CLPB: variants seen among roughly 807,000 people sequenced by gnomAD.
CLPB encodes mitochondrial disaggregase.
CLPB carries 40 observed loss-of-function variants against 78.4 expected under a neutral mutation model. That is an observed-to-expected ratio of 0.51 (90% CI 0.40 to 0.66). The LOEUF (loss-of-function observed/expected upper bound fraction) is 0.66, where lower values mean the gene tolerates loss of function less well. Ranked by LOEUF, CLPB falls within the 30% of genes least tolerant of loss-of-function variation. The pLI, the probability that CLPB is intolerant of heterozygous loss-of-function variation, is 0.00. For synonymous variants in CLPB, 333 were observed against 348.0 expected, an observed-to-expected ratio of 0.96 and a Z score of 0.48; for missense variants, 780 against 886.9, an observed-to-expected ratio of 0.88 and a Z score of 1.53.
chr11:72,422,092 C>A (rs565357600), intron 2 of CLPB, among the ~76,000 whole-genome samples: 67 of 151,618 alleles, frequency 4.4e-4, no homozygotes, highest in Non-Finnish European at 5.3e-4. Flanking sequence ...ATGGTGAAAC[C>A]CCACCTCTAC....
rs1311832888 is a variant in CLPB, at chr11:72,307,258, G to T, written c.1067-4C>A. 2.5e-6 allele frequency: 4 copies of T among 1,613,898 alleles called. No homozygotes were observed. Among genetic ancestry groups the T allele is most frequent in the Non-Finnish European group, 3.4e-6 (4 of 1,179,892 alleles). On this transcript the variant is annotated splice_region_variant and splice_polypyrimidine_tract_variant and intron_variant, in intron 8 of 15. Coordinates refer to ENST00000538039, the MANE Select transcript of CLPB (RefSeq NM_001258392.3). ...TGCTTGGCCAGCTCTGTTTTTCCTA[G>T]TAAGAAAGAAGGGGGAGGTGTTGGG...
chr11:72,294,535 T>C (rs537999414), intron 13 of CLPB, 85 bp downstream of exon 13: 15 of 1,609,976 alleles, frequency 9.3e-6, no homozygotes, highest in South Asian at 8.8e-5. Flanking sequence ...GGGGAAATTA[T>C]GGGGCTTCCA....
intron 3 of CLPB, among the ~76,000 whole-genome samples, chr11:72,387,364 A>G (rs1855109364): frequency 6.6e-6 from 1 of 152,216 alleles, no homozygotes; most frequent in Non-Finnish European, 1.5e-5. Context: ...GTCTTGACAC[A>G]TAACAACTGC....
intron 2 of CLPB, among the ~76,000 whole-genome samples, chr11:72,418,057 T>C (rs569647043): frequency 7.2e-4 from 110 of 152,356 alleles, no homozygotes; most frequent in Non-Finnish European, 1.3e-3. Flanking sequence ...AGGATTCTTA[T>C]GCAGCCTTCC....
intron 2 of CLPB, among the ~76,000 whole-genome samples, chr11:72,413,467 A>T (rs1312397419): frequency 6.6e-6 from 1 of 152,160 alleles, no homozygotes; most frequent in Admixed American, 6.5e-5. Flanking sequence ...AGCATATACC[A>T]GATACATTGG....
At chr11:72,354,929 G>T (rs1950682601) in intron 5 of CLPB, among the ~76,000 whole-genome samples, 1 of 152,108 alleles carries the variant, frequency 6.6e-6, no homozygotes, top group South Asian at 2.1e-4. Flanking sequence ...CCAGGCGCCT[G>T]CCAGAGCACC....
chr11:72,346,098 G>A (rs1304575551), intron 5 of CLPB, among the ~76,000 whole-genome samples: 2 of 152,162 alleles, frequency 1.3e-5, no homozygotes, highest in East Asian at 1.9e-4. Flanking sequence ...GCAGATGAGG[G>A]GGCAGGCAGT....
chr11:72,310,183 A>G (rs1434696830), intron 7 of CLPB, among the ~76,000 whole-genome samples: 3 of 152,166 alleles, frequency 2.0e-5, no homozygotes, highest in Non-Finnish European at 4.4e-5. Context: ...TCTCATCTCG[A>G]TCTCTAATGT....
intron 5 of CLPB, among the ~76,000 whole-genome samples, chr11:72,350,953 TTCA>T (rs758318377): frequency 1.1e-3 from 163 of 152,326 alleles, no homozygotes; most frequent in South Asian, 3.7e-3. Context: ...TTAGAATATT[TTCA>T]TCATCTCCAG....
rs750172443 is a variant in CLPB at position 72,434,231 on chromosome 11, A to T, written c.244T>A (p.Cys82Ser). The T allele has an allele frequency of 6.2e-7, 1 of 1,613,568 alleles. No homozygotes were observed. Among genetic ancestry groups the T allele is most frequent in the Non-Finnish European group, 8.5e-7 (1 of 1,179,964 alleles). ...GRQGGRFDTK[C>S]LAAATWGRLP... The stretch of plus-strand genomic sequence containing the variant: ...CGTCCCCAAGTGGCAGCCGCGAGGC[A>T]TTTGGTATCGAAGCGTCCTCCCTGG... Residue 82 changes from cysteine to serine, a missense_variant, in exon 1 of 16, where the codon TGC (cysteine) becomes AGC (serine). Coordinates refer to ENST00000538039, the MANE Select transcript of CLPB (RefSeq NM_001258392.3).
intron 2 of CLPB, among the ~76,000 whole-genome samples, chr11:72,421,470 G>T (rs1034702557): frequency 6.6e-6 from 1 of 152,216 alleles, no homozygotes; most frequent in Non-Finnish European, 1.5e-5. Flanking sequence ...GATGACCGAA[G>T]GATGAGGAAT....
At chr11:72,364,088 C>T (rs1950894367) in intron 4 of CLPB, among the ~76,000 whole-genome samples, 1 of 152,186 alleles carries the variant, frequency 6.6e-6, no homozygotes, top group African/African-American at 2.4e-5. Context: ...TCCGACTTTC[C>T]AACTTGGATG....
At chr11:72,427,337 C>T (rs1284971054) in intron 2 of CLPB, among the ~76,000 whole-genome samples, 1 of 152,096 alleles carries the variant, frequency 6.6e-6, no homozygotes, top group Non-Finnish European at 1.5e-5. Context: ...GGGTAAAGCA[C>T]GACATTATTT....
In CLPB at chr11:72,400,330, G is replaced by A. The variant is rs148692115; in HGVS notation, c.542+2636C>T. 8.6e-3 allele frequency among the ~76,000 whole-genome samples: 1,315 copies of A among 152,272 alleles called. 11 individuals are homozygous for A. The highest frequency in any genetic ancestry group is 0.014 in the Non-Finnish European group (919 of 68,022). On this transcript the variant is annotated intron_variant, in intron 3 of 15. Transcript: ENST00000538039. ...TAGTGGAAGAGAAGGTCACAAAATGGATAATTAGTCCTAGGAACCAAAGCA... is the reference window on the plus strand; with the variant it reads ...TAGTGGAAGAGAAGGTCACAAAATGAATAATTAGTCCTAGGAACCAAAGCA...
intron 1 of CLPB, among the ~76,000 whole-genome samples, chr11:72,433,538 C>CTGAA: frequency 7.3e-6 from 1 of 137,004 alleles, no homozygotes; most frequent in South Asian, 2.4e-4. Context: ...GACTCCATCT[C>CTGAA]AGAAATAAAT....
chr11:72,408,012 T>C, intron 2 of CLPB: 1 of 882,698 alleles, frequency 1.1e-6, no homozygotes, highest in Non-Finnish European at 1.8e-6. Context: ...TGTCTCTTCA[T>C]AGGTCCAATG....
At position 72,292,838 on chromosome 11, in the gene CLPB, G is replaced by A. The variant is rs1262764131; in HGVS notation, c.*529C>T. On this transcript the variant is annotated 3_prime_UTR_variant, in exon 16 of 16. Transcript: ENST00000538039. Reference sequence around the variant, plus strand: ...CCCTTCCCCTTAGAATTTTAGGGTAGGGAACGAGGAGGCTACAGACTAAAT... The same window carrying A: ...CCCTTCCCCTTAGAATTTTAGGGTAAGGAACGAGGAGGCTACAGACTAAAT... 6.5e-6 allele frequency: 1 copy of A among 154,590 alleles called. No individual in the cohort carries two copies. The highest frequency in any genetic ancestry group is 2.4e-5 in the African/African-American group (1 of 41,432). 9.6% of individuals were successfully genotyped at this position (154,590 alleles called of 1,614,324 possible). A position where few individuals can be genotyped will look rare whatever the true frequency, so the allele number is the denominator to read the frequency against.
At chr11:72,315,028 A>G in intron 7 of CLPB, among the ~76,000 whole-genome samples, 1 of 152,128 alleles carries the variant, frequency 6.6e-6, no homozygotes, top group East Asian at 1.9e-4. Flanking sequence ...CAGGGACACC[A>G]GTGAAGGAGC....
At chr11:72,320,263 C>T (rs1437424617) in intron 6 of CLPB, among the ~76,000 whole-genome samples, 1 of 152,236 alleles carries the variant, frequency 6.6e-6, no homozygotes, top group Non-Finnish European at 1.5e-5. Context: ...TTGGGTATGA[C>T]CAGTGTGGCC....
Sources: gnomAD v4.1 joint callset for allele counts (sites outside exome capture counted in the v4.1 genomes callset) on GRCh38, gnomAD v4.1.1 for gene constraint, MANE v1.5 for transcripts, NCBI Gene and HGNC (gene_info 2026-07-23, HGNC 2026-07-21) for gene names.